The following ZNF563 variants were observed in gnomAD, a reference collection of about 807,000 sequenced individuals.
ZNF563 encodes zinc finger protein 563.
In ZNF563, 39 loss-of-function variants were observed where a neutral mutation model predicts 48.5. The ratio of observed to expected loss-of-function variants is 0.80; its 90% CI spans 0.62 to 1.05. The LOEUF (loss-of-function observed/expected upper bound fraction) is 1.05. Among genes scored for constraint, ZNF563 ranks in the 50% least tolerant of loss-of-function variants. The pLI, the probability that ZNF563 is intolerant of heterozygous loss-of-function variation, is 0.00. For missense variants in ZNF563, 538 were observed against 597.0 expected (o/e 0.90, Z 1.03); for synonymous variants, 168 against 187.9 (o/e 0.89, Z 0.87).
intron 1 of ZNF563, among the ~76,000 whole-genome samples, chr19:12,328,718 G>A (rs769800427): frequency 6.6e-6 from 1 of 151,920 alleles, no homozygotes; most frequent in African/African-American, 2.4e-5. Flanking sequence ...GCGGTGAGCC[G>A]AAATTGTGCC....
At chr19:12,327,763 C>T (rs918823664) in intron 1 of ZNF563, among the ~76,000 whole-genome samples, 1 of 152,108 alleles carries the variant, frequency 6.6e-6, no homozygotes, top group Non-Finnish European at 1.5e-5. Flanking sequence ...AGCTCTATTA[C>T]ATTCAGACAA....
chr19:12,339,772 A>G, the ZNF563 span, among the ~76,000 whole-genome samples: 1 of 152,188 alleles, frequency 6.6e-6, no homozygotes, highest in African/African-American at 2.4e-5. Flanking sequence ...GAAATAATGG[A>G]AGAACACATT....
chr19:12,319,436 A>G lies in ZNF563; in HGVS notation c.589T>C (p.Tyr197His). 6.2e-7 allele frequency: 1 copy of G among 1,614,234 alleles called. No homozygotes were observed. Among genetic ancestry groups the G allele is most frequent in the Non-Finnish European group, 8.5e-7 (1 of 1,180,034 alleles). ...HMVVQGGNRP[Y>H]KCKLCGKAFF... ...GCTTTCCCACACAACTTACATTTATAAGGTCTATTTCCACCTTGCACTACC... is the reference window on the plus strand; with the variant it reads ...GCTTTCCCACACAACTTACATTTATGAGGTCTATTTCCACCTTGCACTACC... The change falls in exon 4 of 4, where the codon TAT becomes CAT. Residue 197 changes from tyrosine to histidine, a missense_variant. Physicochemically the swap from Tyr to His is moderately conservative, Grantham distance 83. Transcript: ENST00000293725.
upstream of ZNF563, among the ~76,000 whole-genome samples, chr19:12,334,446 G>C (rs902528740): frequency 6.6e-6 from 1 of 152,130 alleles, no homozygotes; most frequent in East Asian, 1.9e-4. Flanking sequence ...CCAAAACCTG[G>C]TGATGAGACT....
rs1968496986 is a variant in ZNF563 at position 12,318,657 on chromosome 19, T to C, written c.1368A>G (p.Lys456=). The C allele has an allele frequency of 6.2e-7, 1 of 1,614,216 alleles. No individual in the cohort carries two copies. The highest frequency in any genetic ancestry group is 8.5e-7 in the Non-Finnish European group (1 of 1,180,042). ...DGPNKCKVCG[K]AFVYPSVCQR... Reference sequence around the variant, plus strand: ...GACATACACTGGGATAAACAAAGGCTTTCCCACATACCTTGCATTTATTCG... The same window carrying C: ...GACATACACTGGGATAAACAAAGGCCTTCCCACATACCTTGCATTTATTCG... The change falls in exon 4 of 4, where the codon AAA becomes AAG. Residue 456 remains lysine (K), a synonymous_variant. Coordinates refer to ENST00000293725, the MANE Select transcript of ZNF563 (RefSeq NM_145276.3).
intron 1 of ZNF563, chr19:12,324,903 C>CCCAA (rs1325910038): frequency 7.2e-5 from 11 of 152,016 alleles, no homozygotes; most frequent in Admixed American, 7.2e-4. Context: ...TTGTCCTTGG[C>CCCAA]CCAATCACAC....
upstream of ZNF563, among the ~76,000 whole-genome samples, chr19:12,334,831 G>A (rs1194848661): frequency 2.8e-5 from 4 of 141,792 alleles, no homozygotes; most frequent in East Asian, 2.1e-4. Flanking sequence ...ATCGTGCCAC[G>A]GCATTCCAGC....
In ZNF563 at chr19:12,333,469, T is replaced by C. The variant is rs761591350; in HGVS notation, c.3+11A>G. ...TTCCCACTTTTGGGACGCCTGACCCTGCACACGCACCATTTCCCGGCTTCC... is the reference window on the plus strand; with the variant it reads ...TTCCCACTTTTGGGACGCCTGACCCCGCACACGCACCATTTCCCGGCTTCC... On this transcript the variant is annotated intron_variant, in intron 1 of 3. Coordinates refer to ENST00000293725, the MANE Select transcript of ZNF563 (RefSeq NM_145276.3). 6.2e-7 allele frequency: 1 copy of C among 1,613,396 alleles called. No homozygotes were observed.
chr19:12,338,480 C>G (rs1969041374), upstream of ZNF563, among the ~76,000 whole-genome samples: 1 of 152,124 alleles, frequency 6.6e-6, no homozygotes, highest in Non-Finnish European at 1.5e-5. Flanking sequence ...GACTCCTGAA[C>G]TCAAGAGATC....
Position 12,318,457 on chromosome 19 carries a change from T to C in ZNF563, c.*137A>G. 1.0e-6 allele frequency: 1 copy of C among 984,974 alleles called. No homozygotes were observed. Among genetic ancestry groups the C allele is most frequent in the South Asian group, 1.7e-5 (1 of 57,818 alleles). 61.0% of individuals were successfully genotyped at this position (984,974 alleles called of 1,614,324 possible). On this transcript the variant is annotated 3_prime_UTR_variant, in exon 4 of 4. Coordinates refer to ENST00000293725, the MANE Select transcript of ZNF563 (RefSeq NM_145276.3). ...CATACAGCATCTCTCCAGTGTGAGA[T>C]ATTTCATGATTTTGAAAGGAATAAA...
chr19:12,333,414 G>C, intron 1 of ZNF563, 66 bp downstream of exon 1: 1 of 1,580,874 alleles, frequency 6.3e-7, no homozygotes, highest in Non-Finnish European at 8.6e-7. Context: ...CGTTCGCCGC[G>C]GCCGGTTCTG....
At position 12,319,320 on chromosome 19, in the gene ZNF563, A is replaced by C. The variant is rs377760419; in HGVS notation, c.705T>G (p.Pro235=). Reference sequence around the variant, plus strand: ...CATGTCTTCGATAGGAACTGTAAAAAGGAAAGGCTTTAGAACACTGCTTAC... The same window carrying C: ...CATGTCTTCGATAGGAACTGTAAAACGGAAAGGCTTTAGAACACTGCTTAC... The part of the protein sequence containing the change: ...YECKQCSKAF[P]FYSSYRRHER... Residue 235 remains proline (P), a synonymous_variant, in exon 4 of 4, where the codon CCT becomes CCG. Coordinates refer to ENST00000293725, the MANE Select transcript of ZNF563 (RefSeq NM_145276.3). 4 of 1,614,098 alleles carry C rather than the reference A, an allele frequency of 2.5e-6. No homozygotes were observed. The highest frequency in any genetic ancestry group is 2.5e-6 in the Non-Finnish European group (3 of 1,179,982).
chr19:12,328,242 T>C (rs1388196710), intron 1 of ZNF563, among the ~76,000 whole-genome samples: 1 of 152,166 alleles, frequency 6.6e-6, no homozygotes, highest in Non-Finnish European at 1.5e-5. Context: ...GTGCCACCAC[T>C]TTGGGAGGCC....
upstream of ZNF563, among the ~76,000 whole-genome samples, chr19:12,334,604 C>T (rs1435567512): frequency 6.6e-6 from 1 of 152,176 alleles, no homozygotes; most frequent in East Asian, 1.9e-4. Context: ...GGCGGTGGCT[C>T]ACGCCTGCAA....
the ZNF563 span, among the ~76,000 whole-genome samples, chr19:12,343,688 C>G: frequency 6.7e-6 from 1 of 149,798 alleles, no homozygotes; most frequent in Non-Finnish European, 1.5e-5. Flanking sequence ...CAGAAAAAGA[C>G]TACAGAATAT....
intron 1 of ZNF563, among the ~76,000 whole-genome samples, 180 bp downstream of exon 1, chr19:12,333,300 C>G (rs999458018): frequency 6.6e-6 from 1 of 152,180 alleles, no homozygotes; most frequent in Non-Finnish European, 1.5e-5. Flanking sequence ...CCCGGGGTCC[C>G]GGCTGCCAGC....
chr19:12,331,644 G>A (rs977258185), intron 1 of ZNF563, among the ~76,000 whole-genome samples: 2 of 152,142 alleles, frequency 1.3e-5, no homozygotes, highest in African/African-American at 2.4e-5. Context: ...CCCACCACAG[G>A]GTATCCAGCT....
At chr19:12,333,384 C>G in intron 1 of ZNF563, 96 bp downstream of exon 1, 1 of 1,527,450 alleles carries the variant, frequency 6.5e-7, no homozygotes, top group Non-Finnish European at 8.9e-7. Flanking sequence ...GACCCCGGAG[C>G]TGACGGCGGG....
At chr19:12,340,389 A>C in the ZNF563 span, among the ~76,000 whole-genome samples, 1 of 152,176 alleles carries the variant, frequency 6.6e-6, no homozygotes, top group Non-Finnish European at 1.5e-5. Flanking sequence ...ATATAGTCAC[A>C]GCTACTCAGG....
Sources: allele counts gnomAD v4.1 joint callset (sites outside exome capture counted in the v4.1 genomes callset), GRCh38; gene constraint gnomAD v4.1.1; transcripts MANE v1.5; gene names NCBI Gene and HGNC (gene_info 2026-07-23, HGNC 2026-07-21).